The following WWOX variants were observed in gnomAD, a reference collection of about 807,000 sequenced individuals.
WWOX encodes the protein WW domain-containing oxidoreductase.
Under a neutral mutation model 46.2 loss-of-function variants are expected in WWOX, and 69 were observed. The ratio of observed to expected loss-of-function variants is 1.49; its 90% confidence interval spans 1.23 to 1.82. WWOX has a LOEUF of 1.82. Among genes scored for constraint, WWOX ranks in the 40% most tolerant of loss-of-function variants. The pLI is 0.00. For synonymous variants in WWOX, 359 were observed against 202.6 expected (o/e 1.77, Z -6.56); for missense variants, 919 against 542.6 (o/e 1.69, Z -6.89).
intron 5 of WWOX, among the ~76,000 whole-genome samples, chr16:78,381,258 C>G (rs568539450): frequency 1.3e-5 from 2 of 152,322 alleles, no homozygotes; most frequent in Admixed American, 1.3e-4. Context: ...ATCACTGTTG[C>G]ATAACAACAA....
chr16:78,477,845 A>G (rs1489009969), intron 8 of WWOX, among the ~76,000 whole-genome samples: 11 of 152,224 alleles, frequency 7.2e-5, no homozygotes, highest in Admixed American at 2.0e-4. Flanking sequence ...TGATTCTTTT[A>G]CTATGTACTG....
chr16:78,688,974 C>T (rs2047925238), intron 8 of WWOX, among the ~76,000 whole-genome samples: 1 of 152,184 alleles, frequency 6.6e-6, no homozygotes, highest in Non-Finnish European at 1.5e-5. Flanking sequence ...GACATGTTTG[C>T]TTTCCCTTCC....
chr16:79,206,910 G>A (rs1354342307), intron 8 of WWOX, among the ~76,000 whole-genome samples: 1 of 152,210 alleles, frequency 6.6e-6, no homozygotes, highest in East Asian at 1.9e-4. Context: ...TGGATAGTGA[G>A]TAGGGAACAA....
At chr16:78,288,881 G>A (rs2079813791) in intron 5 of WWOX, among the ~76,000 whole-genome samples, 1 of 152,116 alleles carries the variant, frequency 6.6e-6, no homozygotes, top group African/African-American at 2.4e-5. Context: ...ACAGGTTCAG[G>A]AAGAAGAAGA....
At chr16:78,654,634 C>A (rs1020697523) in intron 8 of WWOX, among the ~76,000 whole-genome samples, 9 of 151,488 alleles carry the variant, frequency 5.9e-5, no homozygotes, top group Non-Finnish European at 8.8e-5. Flanking sequence ...CCTATCTATA[C>A]CTTTCTCTCT....
intron 8 of WWOX, among the ~76,000 whole-genome samples, chr16:78,566,135 G>A (rs2044558970): frequency 6.6e-6 from 1 of 152,100 alleles, no homozygotes; most frequent in African/African-American, 2.4e-5. Flanking sequence ...TCATGGCAGA[G>A]AGAGGAAGGG....
intron 8 of WWOX, among the ~76,000 whole-genome samples, chr16:78,475,690 G>A (rs1170522551): frequency 6.6e-6 from 1 of 152,068 alleles, no homozygotes; most frequent in African/African-American, 2.4e-5. Flanking sequence ...ACACCTTCTG[G>A]GTTCAAGTGA....
intron 5 of WWOX, among the ~76,000 whole-genome samples, chr16:78,332,864 C>T (rs1200004064): frequency 6.6e-6 from 1 of 151,984 alleles, no homozygotes; most frequent in Non-Finnish European, 1.5e-5. Context: ...TGCTTCATGT[C>T]GCACAGTTCA....
intron 4 of WWOX, among the ~76,000 whole-genome samples, chr16:78,117,618 T>G (rs2032866682): frequency 6.6e-6 from 1 of 152,190 alleles, no homozygotes. Flanking sequence ...CTTGCCCAAG[T>G]AGGCTGTGGC....
At chr16:78,827,231 A>G (rs1454815872) in intron 8 of WWOX, among the ~76,000 whole-genome samples, 1 of 152,224 alleles carries the variant, frequency 6.6e-6, no homozygotes, top group Admixed American at 6.5e-5. Context: ...CCTCTAAGAC[A>G]GTGAGAGCAG....
intron 5 of WWOX, among the ~76,000 whole-genome samples, chr16:78,208,609 G>A (rs2036466853): frequency 1.3e-5 from 2 of 152,168 alleles, no homozygotes; most frequent in Non-Finnish European, 2.9e-5. Context: ...ATTAATTTAT[G>A]TAATTGGGTT....
chr16:78,816,191 G>C (rs992341998), intron 8 of WWOX, among the ~76,000 whole-genome samples: 10 of 152,148 alleles, frequency 6.6e-5, no homozygotes, highest in Non-Finnish European at 1.3e-4. Flanking sequence ...TAAACCCTCT[G>C]ATAAAGAATT....
At chr16:78,802,741 C>T (rs186640222) in intron 8 of WWOX, among the ~76,000 whole-genome samples, 1 of 151,184 alleles carries the variant, frequency 6.6e-6, no homozygotes, top group East Asian at 2.0e-4. Context: ...TATGGTGAAG[C>T]CCCGTCTCTA....
chr16:78,361,894 G>C (rs1224434354), intron 5 of WWOX, among the ~76,000 whole-genome samples: 1 of 151,540 alleles, frequency 6.6e-6, no homozygotes, highest in African/African-American at 2.4e-5. Context: ...TTACAGGTGT[G>C]AGCTACAGCG....
At chr16:79,040,319 G>C (rs1238328355) in intron 8 of WWOX, among the ~76,000 whole-genome samples, 2 of 143,244 alleles carry the variant, frequency 1.4e-5, no homozygotes, top group Non-Finnish European at 3.0e-5. Flanking sequence ...CTGTTGCCCA[G>C]ACTGGAGTGC....
intron 8 of WWOX, chr16:79,016,960 G>C (rs1219876412): frequency 6.6e-6 from 1 of 152,368 alleles, no homozygotes; most frequent in South Asian, 2.1e-4. Context: ...TCGACCTCGA[G>C]AAGTGCTGGC....
chr16:78,757,223 A>C (rs1196496722), intron 8 of WWOX, among the ~76,000 whole-genome samples: 1 of 152,218 alleles, frequency 6.6e-6, no homozygotes, highest in African/African-American at 2.4e-5. Context: ...TTTTGGGATA[A>C]TTTGTTATAC....
At chr16:78,622,691 C>G (rs1487242987) in intron 8 of WWOX, among the ~76,000 whole-genome samples, 1 of 148,578 alleles carries the variant, frequency 6.7e-6, no homozygotes, top group African/African-American at 2.5e-5. Flanking sequence ...ATATGGGAGA[C>G]TTACTTCTGA....
intron 8 of WWOX, among the ~76,000 whole-genome samples, chr16:79,020,974 G>C (rs1465493088): frequency 2.0e-5 from 3 of 152,116 alleles, no homozygotes; most frequent in Admixed American, 6.5e-5. Context: ...ATTGTGGGTA[G>C]CTAAATAGGT....
Sources: gnomAD v4.1 joint callset for allele counts (sites outside exome capture counted in the v4.1 genomes callset) on GRCh38, gnomAD v4.1.1 for gene constraint, MANE v1.5 for transcripts, NCBI Gene and HGNC (gene_info 2026-07-23, HGNC 2026-07-21) for gene names.